Variants in LYPD6 observed in about 807,000 individuals in gnomAD.
The protein encoded by LYPD6 is ly6/PLAUR domain-containing protein 6.
Under a neutral mutation model 22.7 loss-of-function variants are expected in LYPD6, and 15 were observed. The ratio of observed to expected loss-of-function variants is 0.66; its 90% CI spans 0.44 to 1.02. The LOEUF is 1.02. Ranked by LOEUF, LYPD6 falls within the 50% of genes least tolerant of loss-of-function variation. LYPD6 has a pLI of 0.00. For missense variants in LYPD6, 189 were observed against 208.4 expected (o/e 0.91, Z 0.57); for synonymous variants, 72 against 77.5 (o/e 0.93, Z 0.37).
chr2:149,407,989 A>C (rs1682761172), intron 1 of LYPD6, among the ~76,000 whole-genome samples: 1 of 152,194 alleles, frequency 6.6e-6, no homozygotes, highest in Non-Finnish European at 1.5e-5. Context: ...GGAGTTTGCT[A>C]GAGGTCCACT....
rs145202398 is a variant in LYPD6, at chr2:149,389,730, T to C, written c.-71-47908T>C. Among the ~76,000 whole-genome samples, 859 of 152,326 alleles carry C rather than the reference T, an allele frequency of 5.6e-3. 9 individuals are homozygous for C. Among genetic ancestry groups the C allele is most frequent in the African/African-American group, 0.019 (802 of 41,570 alleles). Reference sequence around the variant, plus strand: ...GTTCAAGGCAAAGTTGATCTCTCCCTGAGCCAGGCCTTGAGTGGAGGTGGA... The same window carrying C: ...GTTCAAGGCAAAGTTGATCTCTCCCCGAGCCAGGCCTTGAGTGGAGGTGGA... On this transcript the variant is annotated intron_variant, in intron 1 of 4. Transcript: ENST00000334166.
chr2:149,445,836 C>T (rs923834520), intron 2 of LYPD6, among the ~76,000 whole-genome samples: 14 of 152,226 alleles, frequency 9.2e-5, no homozygotes, highest in African/African-American at 3.4e-4. Flanking sequence ...TAAAGTAGCA[C>T]TTTTAACTTC....
At chr2:149,354,414 G>A (rs994303706) in intron 1 of LYPD6, among the ~76,000 whole-genome samples, 4 of 152,064 alleles carry the variant, frequency 2.6e-5, no homozygotes, top group African/African-American at 7.2e-5. Flanking sequence ...TACCATGTTG[G>A]CCAGGCTGGT....
At chr2:149,409,077 A>T (rs986184546) in intron 1 of LYPD6, among the ~76,000 whole-genome samples, 3 of 152,136 alleles carry the variant, frequency 2.0e-5, no homozygotes, top group East Asian at 1.9e-4. Context: ...TGCTGTTCAG[A>T]TTCTTTTGGC....
intron 1 of LYPD6, among the ~76,000 whole-genome samples, chr2:149,337,777 A>G (rs180712244): frequency 4.5e-4 from 68 of 151,966 alleles, no homozygotes; most frequent in Admixed American, 4.5e-3. Flanking sequence ...TTCATTCCTC[A>G]CTCTCTTCCC....
chr2:149,352,183 G>C (rs1681370930), intron 1 of LYPD6, among the ~76,000 whole-genome samples: 1 of 152,096 alleles, frequency 6.6e-6, no homozygotes, highest in Non-Finnish European at 1.5e-5. Flanking sequence ...AATGCTATAA[G>C]GTAGATCCCC....
At chr2:149,400,353 C>T (rs538637732) in intron 1 of LYPD6, among the ~76,000 whole-genome samples, 39 of 152,168 alleles carry the variant, frequency 2.6e-4, no homozygotes, top group Admixed American at 1.8e-3. Flanking sequence ...ACCTAGCAAA[C>T]GGAAAGCAAC....
At chr2:149,460,858 A>G (rs1028189496) in intron 3 of LYPD6, among the ~76,000 whole-genome samples, 16 of 152,146 alleles carry the variant, frequency 1.1e-4, no homozygotes, top group Admixed American at 3.9e-4. Flanking sequence ...ACACTTGGAA[A>G]CTAAACAGTG....
At chr2:149,412,361 C>CT (rs199667102) in intron 1 of LYPD6, among the ~76,000 whole-genome samples, 325 of 142,418 alleles carry the variant, frequency 2.3e-3, no homozygotes, top group South Asian at 7.4e-3. Flanking sequence ...AATTTTATTT[C>CT]TTTTTTTTTT....
intron 1 of LYPD6, among the ~76,000 whole-genome samples, chr2:149,408,955 G>C (rs565492085): frequency 6.6e-6 from 1 of 152,254 alleles, no homozygotes; most frequent in Non-Finnish European, 1.5e-5. Context: ...TGGTGAGCTG[G>C]TATGATCTTT....
At chr2:149,457,023 T>C (rs894465129) in intron 3 of LYPD6, among the ~76,000 whole-genome samples, 3 of 152,244 alleles carry the variant, frequency 2.0e-5, no homozygotes, top group African/African-American at 4.8e-5. Context: ...ATTCTGTCGC[T>C]AATTGACATT....
intron 1 of LYPD6, chr2:149,370,707 A>G (rs974373062): frequency 6.6e-6 from 1 of 152,234 alleles, no homozygotes; most frequent in Admixed American, 6.5e-5. Flanking sequence ...ACAATTCCTA[A>G]GTAAGTTCAA....
chr2:149,452,693 G>C (rs1355596465), intron 3 of LYPD6, among the ~76,000 whole-genome samples: 1 of 152,200 alleles, frequency 6.6e-6, no homozygotes, highest in African/African-American at 2.4e-5. Context: ...TTGCTTAGGG[G>C]ATTCACTGAA....
At chr2:149,434,732 C>T (rs1164660340) in intron 1 of LYPD6, among the ~76,000 whole-genome samples, 1 of 152,076 alleles carries the variant, frequency 6.6e-6, no homozygotes, top group East Asian at 1.9e-4. Flanking sequence ...TCTCTGTGGC[C>T]AGGGTCTGAG....
chr2:149,369,092 A>G (rs1331582750), intron 1 of LYPD6, among the ~76,000 whole-genome samples: 1 of 152,000 alleles, frequency 6.6e-6, no homozygotes, highest in Admixed American at 6.6e-5. Flanking sequence ...GAGGAGAAAT[A>G]GGGTGAAGGG....
At chr2:149,335,187 G>A (rs921104737) in intron 1 of LYPD6, among the ~76,000 whole-genome samples, 6 of 152,000 alleles carry the variant, frequency 3.9e-5, no homozygotes, top group African/African-American at 1.4e-4. Flanking sequence ...TCCTTCAGGA[G>A]GTATTCCAGA....
At chr2:149,364,731 A>G (rs1028546316) in intron 1 of LYPD6, among the ~76,000 whole-genome samples, 3 of 152,132 alleles carry the variant, frequency 2.0e-5, no homozygotes, top group Non-Finnish European at 4.4e-5. Flanking sequence ...CATTAAAATC[A>G]AACCAAACAA....
intron 1 of LYPD6, among the ~76,000 whole-genome samples, chr2:149,430,255 A>G (rs890581116): frequency 6.6e-6 from 1 of 152,112 alleles, no homozygotes; most frequent in African/African-American, 2.4e-5. Flanking sequence ...GCCCGCCGCC[A>G]TGCCCAGCTA....
At chr2:149,461,696 T>G (rs560042274) in intron 3 of LYPD6, among the ~76,000 whole-genome samples, 1 of 152,058 alleles carries the variant, frequency 6.6e-6, no homozygotes, top group Admixed American at 6.5e-5. Context: ...ATGAAAAGAA[T>G]TATGCACCAT....
Sources: gnomAD v4.1 joint callset for allele counts (sites outside exome capture counted in the v4.1 genomes callset) on GRCh38, gnomAD v4.1.1 for gene constraint, MANE v1.5 for transcripts, NCBI Gene and HGNC (gene_info 2026-07-23, HGNC 2026-07-21) for gene names.